EML4: variants seen among roughly 807,000 people sequenced by gnomAD.
EML4 encodes the protein echinoderm microtubule-associated protein-like 4.
EML4 carries 72 observed loss-of-function variants against 129.0 expected under a neutral mutation model. The observed-to-expected ratio is 0.56, with a 90% CI of 0.46 to 0.68. The LOEUF (loss-of-function observed/expected upper bound fraction) is 0.68. Ranked by LOEUF, EML4 falls within the 30% of genes least tolerant of loss-of-function variation. The pLI is 0.00. For missense variants in EML4, 1,363 were observed against 1,190.6 expected, an observed-to-expected ratio of 1.14 and a Z score of -2.13; for synonymous variants, 532 against 405.0, an observed-to-expected ratio of 1.31 and a Z score of -3.77.
In EML4 at chr2:42,301,282, A is replaced by T. The variant is rs1668271576; in HGVS notation, c.1531A>T (p.Ser511Cys). 2 of 1,613,050 alleles carry T rather than the reference A, an allele frequency of 1.2e-6. No homozygotes were observed. Among genetic ancestry groups the T allele is most frequent in the African/African-American group, 2.7e-5 (2 of 74,864 alleles). Reference protein sequence around the residue: ...ISKQIKAHDGSVFTLCQMRNG... With the variant: ...ISKQIKAHDGCVFTLCQMRNG... ...CAAACAAATCAAAGCTCATGATGGC[A>T]GTGTGTTCACACTTTGTCAGATGAG... Residue 511 changes from serine to cysteine, a missense_variant, in exon 14 of 23, where the codon AGT (serine) becomes TGT (cysteine). Physicochemically the swap from Ser to Cys is moderately radical, Grantham distance 112. Coordinates refer to ENST00000318522, the MANE Select transcript of EML4 (RefSeq NM_019063.5).
At chr2:42,185,849 A>G (rs1355503179) in intron 1 of EML4, among the ~76,000 whole-genome samples, 4 of 152,202 alleles carry the variant, frequency 2.6e-5, no homozygotes, top group Non-Finnish European at 4.4e-5. Context: ...GCAGTAATCT[A>G]GGAGAGACAT....
chr2:42,169,812 C>G, intron 1 of EML4, 176 bp downstream of exon 1: 6 of 617,692 alleles, frequency 9.7e-6, no homozygotes, highest in Non-Finnish European at 1.6e-5. Context: ...AGGGCCCCTC[C>G]CCCATGTCCA....
At chr2:42,266,744 T>C (rs190587217) in intron 6 of EML4, among the ~76,000 whole-genome samples, 46 of 152,212 alleles carry the variant, frequency 3.0e-4, no homozygotes, top group South Asian at 1.0e-3. Flanking sequence ...CTGGCTCTTA[T>C]GCATAATAGC....
chr2:42,307,448 G>A (rs1388921498), intron 17 of EML4, among the ~76,000 whole-genome samples: 2 of 152,170 alleles, frequency 1.3e-5, no homozygotes, highest in East Asian at 1.9e-4. Flanking sequence ...CATTCTGTAT[G>A]TAACTCCTGT....
At chr2:42,210,338 T>A (rs922621107) in intron 1 of EML4, among the ~76,000 whole-genome samples, 9 of 152,136 alleles carry the variant, frequency 5.9e-5, no homozygotes, top group African/African-American at 1.9e-4. Context: ...CTTTTGGAAT[T>A]TGTCTGATGT....
chr2:42,169,511 C>A lies in EML4; in HGVS notation c.-101C>A. On this transcript the variant is annotated 5_prime_UTR_variant, in exon 1 of 23. Transcript: ENST00000318522. Reference sequence around the variant, plus strand: ...GGAGCCGGTAGCCGAGCCGGGCGACCTAGAGAACGAGCGGGTCAGGCTCAG... The same window carrying A: ...GGAGCCGGTAGCCGAGCCGGGCGACATAGAGAACGAGCGGGTCAGGCTCAG... The A allele has an allele frequency of 1.4e-6, 2 of 1,395,224 alleles. No individual in the cohort carries two copies. Among genetic ancestry groups the A allele is most frequent in the Non-Finnish European group, 1.9e-6 (2 of 1,042,198 alleles). 86.4% of individuals were successfully genotyped at this position (1,395,224 alleles called of 1,614,324 possible).
At chr2:42,329,703 T>C (rs2103849637) in intron 22 of EML4, 31 bp from the exon 23 acceptor site, 4 of 1,580,188 alleles carry the variant, frequency 2.5e-6, no homozygotes, top group East Asian at 4.5e-5. Flanking sequence ...ATGAGTTTAA[T>C]TTTCCTGTCT....
intron 1 of EML4, among the ~76,000 whole-genome samples, chr2:42,173,194 A>T (rs190506264): frequency 1.5e-3 from 226 of 152,366 alleles, no homozygotes; most frequent in African/African-American, 5.3e-3. Context: ...CTCATCACAG[A>T]TAATAGTCTT....
At chr2:42,174,811 G>GTT (rs765461178) in intron 1 of EML4, among the ~76,000 whole-genome samples, 1 of 150,280 alleles carries the variant, frequency 6.7e-6, no homozygotes, top group Non-Finnish European at 1.5e-5. Context: ...CTAGAAAGTG[G>GTT]TTTTTTTTTG....
At chr2:42,234,471 C>T (rs1674536199) in intron 1 of EML4, among the ~76,000 whole-genome samples, 1 of 152,110 alleles carries the variant, frequency 6.6e-6, no homozygotes, top group Non-Finnish European at 1.5e-5. Context: ...GGTAAACTAT[C>T]TCTCCATTCC....
intron 19 of EML4, chr2:42,319,807 C>T (rs181856126): frequency 4.3e-4 from 66 of 152,322 alleles, no homozygotes; most frequent in African/African-American, 1.5e-3. Flanking sequence ...GTTCCAAATA[C>T]AAATGCTATT....
chr2:42,295,551 A>C, intron 13 of EML4, 35 bp downstream of exon 13: 1 of 1,591,738 alleles, frequency 6.3e-7, no homozygotes, highest in East Asian at 2.2e-5. Context: ...ATTTCTGGTA[A>C]TTCTCACATA....
At chr2:42,272,883 T>G (rs1666451622) in intron 6 of EML4, among the ~76,000 whole-genome samples, 1 of 152,178 alleles carries the variant, frequency 6.6e-6, no homozygotes, top group South Asian at 2.1e-4. Flanking sequence ...TTGGGATAGT[T>G]TCTATTTTAA....
At chr2:42,203,578 G>A (rs1672360836) in intron 1 of EML4, among the ~76,000 whole-genome samples, 1 of 151,472 alleles carries the variant, frequency 6.6e-6, no homozygotes, top group African/African-American at 2.4e-5. Context: ...GGCTAGTCTG[G>A]AATCACAGAT....
intron 1 of EML4, among the ~76,000 whole-genome samples, chr2:42,205,563 T>TA (rs901177589): frequency 1.6e-4 from 25 of 152,346 alleles, no homozygotes; most frequent in African/African-American, 5.8e-4. Flanking sequence ...AGAAGCTGTG[T>TA]GGTGTGGCCT....
At chr2:42,263,913 A>G (rs1250330488) in intron 5 of EML4, among the ~76,000 whole-genome samples, 1 of 149,678 alleles carries the variant, frequency 6.7e-6, no homozygotes, top group Non-Finnish European at 1.5e-5. Flanking sequence ...TATTTTTGGT[A>G]GAGATGGTGT....
intron 6 of EML4, among the ~76,000 whole-genome samples, chr2:42,272,262 A>T (rs927797285): frequency 6.6e-6 from 1 of 152,280 alleles, no homozygotes; most frequent in South Asian, 2.1e-4. Flanking sequence ...AGGAAAAAGC[A>T]TAGTAAATCC....
intron 1 of EML4, among the ~76,000 whole-genome samples, chr2:42,204,545 A>G (rs969369050): frequency 6.6e-6 from 1 of 152,202 alleles, no homozygotes; most frequent in Non-Finnish European, 1.5e-5. Context: ...TTTATTTATC[A>G]ACACTGAATT....
intron 19 of EML4, among the ~76,000 whole-genome samples, chr2:42,322,329 T>C (rs968051045): frequency 6.6e-6 from 1 of 152,372 alleles, no homozygotes. Flanking sequence ...AGGGGACTAG[T>C]TGCTACTGCA....
Sources: allele counts gnomAD v4.1 joint callset (sites outside exome capture counted in the v4.1 genomes callset), GRCh38; gene constraint gnomAD v4.1.1; transcripts MANE v1.5; gene names NCBI Gene and HGNC (gene_info 2026-07-23, HGNC 2026-07-21).